SSBP3: variants seen among roughly 807,000 people sequenced by gnomAD.
SSBP3 encodes the protein single-stranded DNA-binding protein 3.
Under a neutral mutation model 69.6 loss-of-function variants are expected in SSBP3, and 5 were observed. The ratio of observed to expected loss-of-function variants is 0.07; its 90% CI spans 0.04 to 0.15. The LOEUF (loss-of-function observed/expected upper bound fraction) is 0.15. Ranked by LOEUF, SSBP3 falls within the 10% of genes least tolerant of loss-of-function variation. The pLI is 1.00. For missense variants in SSBP3, 312 were observed against 534.0 expected, an observed-to-expected ratio of 0.58 and a Z score of 4.10; for synonymous variants, 196 against 193.4, an observed-to-expected ratio of 1.01 and a Z score of -0.11.
At chr1:54,274,325 T>C (rs943969812) in intron 5 of SSBP3, among the ~76,000 whole-genome samples, 5 of 152,128 alleles carry the variant, frequency 3.3e-5, no homozygotes, top group Admixed American at 6.5e-5. Flanking sequence ...GACTATCTCA[T>C]AGAATCAAAT....
chr1:54,407,431 G>A (rs1649855522), upstream of SSBP3, among the ~76,000 whole-genome samples: 1 of 151,774 alleles, frequency 6.6e-6, no homozygotes, highest in Non-Finnish European at 1.5e-5. Flanking sequence ...AGTGACCCAG[G>A]TGTACAATGG....
intron 4 of SSBP3, among the ~76,000 whole-genome samples, chr1:54,316,671 A>AT (rs1440202887): frequency 4.5e-5 from 4 of 88,236 alleles, no homozygotes; most frequent in African/African-American, 2.3e-4. Context: ...AAAATAAATA[A>AT]ATAAATAAAT....
At chr1:54,325,997 T>C (rs866221323) in intron 4 of SSBP3, among the ~76,000 whole-genome samples, 2 of 149,126 alleles carry the variant, frequency 1.3e-5, no homozygotes, top group African/African-American at 5.0e-5. Context: ...CTTCATGTGA[T>C]GGCTTAGTGA....
rs1033686548 is a variant in SSBP3 at position 54,325,820 on chromosome 1, C to G, written c.277-44293G>C. On this transcript the variant is annotated intron_variant, in intron 4 of 17. Coordinates refer to ENST00000610401, the Ensembl canonical transcript of SSBP3. ...TTTTTCTCTGGTTTCCTCCACACTC[C>G]TCTCCTTATTTTGAAATCCCTAGAA... Among the ~76,000 whole-genome samples the G allele has an allele frequency of 3.9e-5, 6 of 152,194 alleles. No homozygotes were observed. The East Asian group carries it at 1.2e-3, about 29-fold the overall frequency.
intron 4 of SSBP3, among the ~76,000 whole-genome samples, chr1:54,345,102 A>C (rs898413726): frequency 6.6e-6 from 1 of 152,084 alleles, no homozygotes; most frequent in Non-Finnish European, 1.5e-5. Flanking sequence ...ACACGGGGAG[A>C]CTAGAAAGTT....
Position 54,257,103 on chromosome 1 carries a change from A to C in SSBP3, c.507+24T>G, listed in dbSNP as rs200322875. 534 of 1,594,892 alleles carry C rather than the reference A, an allele frequency of 3.3e-4. 2 individuals carry two copies. Among genetic ancestry groups the C allele is most frequent in the Admixed American group, 1.9e-3 (105 of 55,976 alleles). On this transcript the variant is annotated intron_variant, in intron 7 of 17. Coordinates refer to ENST00000610401, the Ensembl canonical transcript of SSBP3. ...GCCAAGGATGGCTGAGGGAGGGGAGAGAGAACATGAAAAGGTACAGTACCT... is the reference window on the plus strand; with the variant it reads ...GCCAAGGATGGCTGAGGGAGGGGAGCGAGAACATGAAAAGGTACAGTACCT...
At chr1:54,408,113 G>A (rs1453468473), upstream of SSBP3, among the ~76,000 whole-genome samples, 2 of 152,060 alleles carry the variant, frequency 1.3e-5, no homozygotes, top group Non-Finnish European at 2.9e-5. Context: ...GACACCTCTG[G>A]ACTCACTCTG....
At chr1:54,236,355 A>C (rs1218757563) in intron 14 of SSBP3, 4 of 152,160 alleles carry the variant, frequency 2.6e-5, no homozygotes, top group Non-Finnish European at 4.4e-5. Context: ...GACGGACCCC[A>C]AGTGATCTGA....
chr1:54,350,743 G>C (rs1646768703), intron 4 of SSBP3, among the ~76,000 whole-genome samples: 2 of 152,200 alleles, frequency 1.3e-5, no homozygotes, highest in African/African-American at 2.4e-5. Context: ...CCAGGGACAG[G>C]CAGGAGAACC....
At chr1:54,314,905 T>C (rs1382887526) in intron 4 of SSBP3, among the ~76,000 whole-genome samples, 1 of 152,084 alleles carries the variant, frequency 6.6e-6, no homozygotes, top group Non-Finnish European at 1.5e-5. Flanking sequence ...CAACCTTCCT[T>C]GATAAGCAGG....
chr1:54,391,155 G>A lies in SSBP3; in HGVS notation c.276+10706C>T, dbSNP rs549834064. On this transcript the variant is annotated intron_variant, in intron 4 of 17. Transcript: ENST00000610401. Reference sequence around the variant, plus strand: ...GCCTCAGTGTCCCCATCTGGAAACTGAGTGTCTCCTTCTTCTTGCACATCT... The same window carrying A: ...GCCTCAGTGTCCCCATCTGGAAACTAAGTGTCTCCTTCTTCTTGCACATCT... Among the ~76,000 whole-genome samples, 11 of 152,318 alleles carry A rather than the reference G, an allele frequency of 7.2e-5. No individual in the cohort carries two copies. The South Asian group carries it at 2.3e-3, about 32-fold the overall frequency.
chr1:54,369,849 G>C (rs929362952), intron 4 of SSBP3, among the ~76,000 whole-genome samples: 1 of 149,414 alleles, frequency 6.7e-6, no homozygotes, highest in African/African-American at 2.4e-5. Flanking sequence ...TACCCTCGAC[G>C]GTATCCTGGG....
chr1:54,383,983 G>C (rs1325937209), intron 4 of SSBP3, among the ~76,000 whole-genome samples: 1 of 152,010 alleles, frequency 6.6e-6, no homozygotes, highest in Non-Finnish European at 1.5e-5. Context: ...GCAGGCGCCT[G>C]TAGTCCCAGC....
intron 4 of SSBP3, among the ~76,000 whole-genome samples, chr1:54,356,260 A>G (rs914157483): frequency 2.6e-5 from 4 of 152,192 alleles, no homozygotes; most frequent in African/African-American, 9.7e-5. Flanking sequence ...TAAAGCAAGA[A>G]AAAAGAAAAC....
chr1:54,404,655 G>C lies in SSBP3; in HGVS notation c.130-18C>G, dbSNP rs370433223. On this transcript the variant is annotated intron_variant, in intron 2 of 17. Coordinates refer to ENST00000610401, the Ensembl canonical transcript of SSBP3. ...CATCGAATCTGGAAAGGTAAGAGCAGAAGCAGCTTAGAGGAGCAGAGACGG... is the reference window on the plus strand; with the variant it reads ...CATCGAATCTGGAAAGGTAAGAGCACAAGCAGCTTAGAGGAGCAGAGACGG... The C allele has an allele frequency of 6.2e-7, 1 of 1,613,972 alleles. No homozygotes were observed. Among genetic ancestry groups the C allele is most frequent in the East Asian group, 2.2e-5 (1 of 44,886 alleles).
At chr1:54,378,224 G>A (rs888608671) in intron 4 of SSBP3, among the ~76,000 whole-genome samples, 1 of 152,138 alleles carries the variant, frequency 6.6e-6, no homozygotes, top group African/African-American at 2.4e-5. Flanking sequence ...TTCTTTCATG[G>A]ATAGATTTTC....
intron 4 of SSBP3, among the ~76,000 whole-genome samples, chr1:54,379,927 C>A (rs3795357): frequency 0.11 from 16,498 of 152,268 alleles, 1,046 homozygotes; most frequent in East Asian, 0.28. Context: ...GTGCCTCACA[C>A]TGGGAGCGCA....
chr1:54,280,458 A>G (rs1356394672), intron 5 of SSBP3, among the ~76,000 whole-genome samples: 1 of 152,222 alleles, frequency 6.6e-6, no homozygotes, highest in African/African-American at 2.4e-5. Flanking sequence ...GGCTGTACAG[A>G]GGAAATTTCT....
At chr1:54,252,369 G>A (rs1644844980) in intron 7 of SSBP3, among the ~76,000 whole-genome samples, 1 of 152,252 alleles carries the variant, frequency 6.6e-6, no homozygotes, top group Non-Finnish European at 1.5e-5. Flanking sequence ...ATTTAAAGGG[G>A]AAAAGAGGAT....
Sources: gnomAD v4.1 joint callset for allele counts (sites outside exome capture counted in the v4.1 genomes callset) on GRCh38, gnomAD v4.1.1 for gene constraint, MANE v1.5 for transcripts, NCBI Gene and HGNC (gene_info 2026-07-23, HGNC 2026-07-21) for gene names.